Variants in TMEM132D observed in about 807,000 individuals in gnomAD.
The protein encoded by TMEM132D is mature OL transmembrane protein.
Under a neutral mutation model 62.3 loss-of-function variants are expected in TMEM132D, and 21 were observed. That is an observed-to-expected ratio of 0.34 (90% CI 0.24 to 0.49). The LOEUF (loss-of-function observed/expected upper bound fraction) is 0.49, where lower values mean the gene tolerates loss of function less well. TMEM132D is among the 20% of genes least tolerant of loss of function. TMEM132D has a pLI of 0.99. For synonymous variants in TMEM132D, 621 were observed against 575.6 expected (o/e 1.08, Z -1.13); for missense variants, 1,346 against 1,402.8 (o/e 0.96, Z 0.65).
At chr12:129,783,427 C>CACAT (rs778511630) in intron 1 of TMEM132D, among the ~76,000 whole-genome samples, 15 of 152,094 alleles carry the variant, frequency 9.9e-5, no homozygotes, top group Non-Finnish European at 2.1e-4. Context: ...ATTCCTTTGC[C>CACAT]ACATACACAT....
rs113169964 is a variant in TMEM132D, at chr12:129,441,827, G to A, written c.1115+89232C>T. 9.4e-3 allele frequency among the ~76,000 whole-genome samples: 1,432 copies of A among 152,200 alleles called. 24 individuals carry two copies. The highest frequency in any genetic ancestry group is 0.033 in the African/African-American group (1,359 of 41,510). ...GTGATAAAAAAATAATGAAATCATCGCCTTTGCAGCAACATGGATGCAGTG... is the reference window on the plus strand; with the variant it reads ...GTGATAAAAAAATAATGAAATCATCACCTTTGCAGCAACATGGATGCAGTG... On this transcript the variant is annotated intron_variant, in intron 3 of 8. Transcript: ENST00000422113.
chr12:129,242,747 G>T (rs1055642478), intron 4 of TMEM132D, among the ~76,000 whole-genome samples: 16 of 118,800 alleles, frequency 1.3e-4, no homozygotes, highest in Admixed American at 5.0e-4. Flanking sequence ...TCTTTTTTAA[G>T]AAGTTACGCA....
intron 2 of TMEM132D, among the ~76,000 whole-genome samples, chr12:129,537,066 G>C (rs1328899863): frequency 1.3e-5 from 2 of 149,838 alleles, no homozygotes; most frequent in East Asian, 4.0e-4. Context: ...AGGCTGAGAC[G>C]GGAGAATTGC....
chr12:129,817,116 G>A lies in TMEM132D; in HGVS notation c.79+86145C>T, dbSNP rs566525393. On this transcript the variant is annotated intron_variant, in intron 1 of 8. Coordinates refer to ENST00000422113, the MANE Select transcript of TMEM132D (RefSeq NM_133448.3). ...AAAGCTGGTATAATGCATGAAATCG[G>A]AGCAATGATAAGTTAATGAGCAATA... Among the ~76,000 whole-genome samples the A allele has an allele frequency of 2.0e-5, 3 of 152,298 alleles. No homozygotes were observed. In the East Asian group the frequency reaches 5.8e-4, roughly 29 times the overall value.
At chr12:129,286,487 T>C (rs1881299791) in intron 4 of TMEM132D, among the ~76,000 whole-genome samples, 1 of 152,146 alleles carries the variant, frequency 6.6e-6, no homozygotes, top group Non-Finnish European at 1.5e-5. Context: ...AGTATATGGC[T>C]AAATAAATAG....
intron 2 of TMEM132D, among the ~76,000 whole-genome samples, chr12:129,693,933 T>C (rs1211761815): frequency 6.6e-6 from 1 of 152,130 alleles, no homozygotes; most frequent in Non-Finnish European, 1.5e-5. Flanking sequence ...TCCCACCCGC[T>C]CATGAATCAT....
intron 3 of TMEM132D, among the ~76,000 whole-genome samples, chr12:129,351,873 T>C (rs1416554564): frequency 6.6e-6 from 1 of 152,194 alleles, no homozygotes; most frequent in East Asian, 1.9e-4. Flanking sequence ...ACCATACCAG[T>C]GCTCTCTGAC....
At chr12:129,613,218 G>GTT (rs768633401) in intron 2 of TMEM132D, among the ~76,000 whole-genome samples, 1 of 151,204 alleles carries the variant, frequency 6.6e-6, no homozygotes, top group Non-Finnish European at 1.5e-5. Flanking sequence ...CTTGGTTTAG[G>GTT]TTTTTTTTTA....
intron 1 of TMEM132D, among the ~76,000 whole-genome samples, chr12:129,885,362 C>A (rs1254894231): frequency 6.6e-6 from 1 of 152,226 alleles, no homozygotes; most frequent in Non-Finnish European, 1.5e-5. Context: ...CTGCCTCAAC[C>A]CTTGTACACA....
intron 1 of TMEM132D, among the ~76,000 whole-genome samples, chr12:129,724,599 C>T (rs937163890): frequency 6.6e-6 from 1 of 152,076 alleles, no homozygotes; most frequent in African/African-American, 2.4e-5. Context: ...CTCGGCTCAC[C>T]GCAACCCCCG....
intron 1 of TMEM132D, among the ~76,000 whole-genome samples, chr12:129,747,175 G>GCC (rs1869811887): frequency 2.8e-3 from 4 of 1,434 alleles, no homozygotes; most frequent in African/African-American, 4.4e-3. Flanking sequence ...TTGTCCAATA[G>GCC]CTCTCCTTCT....
chr12:129,269,482 C>T (rs1241934106), intron 4 of TMEM132D, among the ~76,000 whole-genome samples: 1 of 152,060 alleles, frequency 6.6e-6, no homozygotes, highest in Non-Finnish European at 1.5e-5. Flanking sequence ...CTAGCCCTGT[C>T]TCAACACTCT....
At chr12:129,731,523 A>C (rs989143061) in intron 1 of TMEM132D, among the ~76,000 whole-genome samples, 2 of 152,144 alleles carry the variant, frequency 1.3e-5, no homozygotes, top group African/African-American at 2.4e-5. Flanking sequence ...TCCAGGGAGG[A>C]CACTGAAGAC....
chr12:129,538,327 G>A (rs112261461), intron 2 of TMEM132D, among the ~76,000 whole-genome samples: 9 of 152,262 alleles, frequency 5.9e-5, no homozygotes, highest in South Asian at 2.1e-4. Context: ...GGATCATGCC[G>A]AGGGCTGCCA....
At chr12:129,606,370 G>A (rs1593085897) in intron 2 of TMEM132D, among the ~76,000 whole-genome samples, 1 of 152,192 alleles carries the variant, frequency 6.6e-6, no homozygotes, top group Non-Finnish European at 1.5e-5. Context: ...TCTGTCATAT[G>A]TATGTAGGTA....
intron 3 of TMEM132D, among the ~76,000 whole-genome samples, chr12:129,521,025 T>C (rs1021231177): frequency 2.0e-5 from 3 of 152,236 alleles, no homozygotes; most frequent in African/African-American, 7.2e-5. Flanking sequence ...GAGATTGATA[T>C]TGACTTAACT....
At chr12:129,742,679 G>A (rs922124604) in intron 1 of TMEM132D, among the ~76,000 whole-genome samples, 5 of 152,184 alleles carry the variant, frequency 3.3e-5, no homozygotes, top group Non-Finnish European at 7.3e-5. Flanking sequence ...CAAACACTGT[G>A]TACCATGAGT....
intron 4 of TMEM132D, among the ~76,000 whole-genome samples, chr12:129,243,719 GC>G (rs1879996004): frequency 1.3e-5 from 2 of 152,106 alleles, no homozygotes; most frequent in Non-Finnish European, 1.5e-5. Flanking sequence ...CGAATTTAAT[GC>G]AAAGTAAATT....
chr12:129,866,568 T>C (rs2137373105), intron 1 of TMEM132D, among the ~76,000 whole-genome samples: 1 of 151,368 alleles, frequency 6.6e-6, no homozygotes, highest in South Asian at 2.1e-4. Flanking sequence ...GTTGTGCACA[T>C]GTACCCTAGA....
Sources: gnomAD v4.1 joint callset for allele counts (sites outside exome capture counted in the v4.1 genomes callset) on GRCh38, gnomAD v4.1.1 for gene constraint, MANE v1.5 for transcripts, NCBI Gene and HGNC (gene_info 2026-07-23, HGNC 2026-07-21) for gene names.